VRK3: variants seen among roughly 807,000 people sequenced by gnomAD.
The protein encoded by VRK3 is serine/threonine-protein kinase VRK3.
VRK3 carries 50 observed loss-of-function variants against 60.4 expected under a neutral mutation model. The observed-to-expected ratio is 0.83, with a 90% CI of 0.66 to 1.05. The LOEUF (loss-of-function observed/expected upper bound fraction) is 1.05, where lower values mean the gene tolerates loss of function less well. Ranked by LOEUF, VRK3 falls within the 50% of genes least tolerant of loss-of-function variation. VRK3 has a pLI of 0.00. For synonymous variants in VRK3, 246 were observed against 227.8 expected (o/e 1.08, Z -0.72); for missense variants, 549 against 585.3 (o/e 0.94, Z 0.64).
intron 5 of VRK3, among the ~76,000 whole-genome samples, chr19:50,005,713 C>T (rs1000245914): frequency 6.7e-6 from 1 of 149,690 alleles, no homozygotes; most frequent in East Asian, 1.9e-4. Flanking sequence ...GGCAGTGACG[C>T]GCCACAGCAT....
intron 12 of VRK3, among the ~76,000 whole-genome samples, chr19:49,982,376 G>A (rs1327300631): frequency 6.6e-6 from 1 of 152,196 alleles, no homozygotes. Flanking sequence ...TGCCCATGCT[G>A]GTCTGATCCT....
At chr19:49,979,677 C>T (rs1044599754) in intron 13 of VRK3, among the ~76,000 whole-genome samples, 2 of 152,202 alleles carry the variant, frequency 1.3e-5, no homozygotes, top group Non-Finnish European at 2.9e-5. Context: ...ATCCTCGAGG[C>T]CCAAGGTTCA....
intron 10 of VRK3, 34 bp downstream of exon 10, chr19:49,992,826 A>G (rs542296771): frequency 6.3e-7 from 1 of 1,597,594 alleles, no homozygotes; most frequent in South Asian, 1.1e-5. Context: ...CTGAGCCCAG[A>G]GATCTTCCAG....
At chr19:49,989,144 G>T (rs983681453) in intron 11 of VRK3, among the ~76,000 whole-genome samples, 3 of 152,134 alleles carry the variant, frequency 2.0e-5, no homozygotes, top group African/African-American at 7.2e-5. Flanking sequence ...CAGGCATGTG[G>T]ACGGCCATGA....
At chr19:50,013,569 C>A (rs537856631) in intron 3 of VRK3, among the ~76,000 whole-genome samples, 2 of 152,218 alleles carry the variant, frequency 1.3e-5, no homozygotes, top group African/African-American at 4.8e-5. Context: ...GCCTTCTGCA[C>A]AACTGTCCGA....
intron 6 of VRK3, 33 bp downstream of exon 6, chr19:50,000,757 T>C: frequency 6.3e-7 from 1 of 1,594,010 alleles, no homozygotes; most frequent in Non-Finnish European, 8.5e-7. Flanking sequence ...GTCCCTCCCC[T>C]CCAAGCTGCC....
intron 9 of VRK3, among the ~76,000 whole-genome samples, 176 bp from the exon 10 acceptor site, chr19:49,993,128 G>A (rs2076640870): frequency 6.6e-6 from 1 of 152,186 alleles, no homozygotes; most frequent in Admixed American, 6.5e-5. Flanking sequence ...ACAGCACATT[G>A]AGCACGCCTC....
chr19:49,985,741 G>A (rs186520100), intron 12 of VRK3, among the ~76,000 whole-genome samples: 5 of 152,308 alleles, frequency 3.3e-5, no homozygotes, highest in Admixed American at 3.3e-4. Context: ...CCAGGGCCTA[G>A]AACAGAGTCT....
At chr19:50,013,666 C>A in intron 3 of VRK3, among the ~76,000 whole-genome samples, 1 of 152,188 alleles carries the variant, frequency 6.6e-6, no homozygotes, top group Non-Finnish European at 1.5e-5. Context: ...TTAATTAATT[C>A]ATTCAACCAG....
In VRK3 at chr19:50,016,147, G is replaced by A. The variant is rs201892614; in HGVS notation, c.16C>T (p.Pro6Ser). The A allele has an allele frequency of 7.1e-5, 115 of 1,614,058 alleles. No homozygotes were observed. Among genetic ancestry groups the A allele is most frequent in the Non-Finnish European group, 1.7e-6 (2 of 1,180,058 alleles). Reference protein sequence around the residue: MISFCPDCGKSIQAAF... With the variant: MISFCSDCGKSIQAAF... ...GCTTGGATACTTTTGCCACAGTCTG[G>A]ACAGAAGGAGATCATGCTACAAAAC... Residue 6 changes from proline (P) to serine (S), a missense_variant, in exon 3 of 15, where the codon CCA becomes TCA. Transcript: ENST00000316763.
In VRK3 at chr19:50,016,150, A is replaced by G. The variant is rs2077073444; in HGVS notation, c.13T>C (p.Cys5Arg). The G allele has an allele frequency of 6.2e-7, 1 of 1,614,176 alleles. No homozygotes were observed. The highest frequency in any genetic ancestry group is 8.5e-7 in the Non-Finnish European group (1 of 1,180,050). MISFCPDCGKSIQAA... is the reference protein window; with the variant it reads MISFRPDCGKSIQAA... ...TGGATACTTTTGCCACAGTCTGGAC[A>G]GAAGGAGATCATGCTACAAAACAGA... Residue 5 changes from cysteine to arginine, a missense_variant, in exon 3 of 15, where the codon TGT (cysteine) becomes CGT (arginine). Cys to Arg is a radical substitution (Grantham distance 180). Transcript: ENST00000316763.
intron 9 of VRK3, among the ~76,000 whole-genome samples, chr19:49,994,441 T>C (rs1327199608): frequency 1.3e-5 from 2 of 152,226 alleles, no homozygotes; most frequent in African/African-American, 4.8e-5. Flanking sequence ...ACACAAGCCT[T>C]GCCCCAGCTG....
chr19:50,024,141 T>G (rs1243956431), intron 1 of VRK3, among the ~76,000 whole-genome samples: 1 of 152,186 alleles, frequency 6.6e-6, no homozygotes. Context: ...TTTCACCATG[T>G]TGGCCAGGCT....
chr19:50,006,224 C>T (rs1458809271), intron 5 of VRK3, among the ~76,000 whole-genome samples: 1 of 151,400 alleles, frequency 6.6e-6, no homozygotes, highest in Non-Finnish European at 1.5e-5. Flanking sequence ...GCAGGAGAAT[C>T]GCTTGAACCT....
intron 2 of VRK3, among the ~76,000 whole-genome samples, chr19:50,016,799 C>T (rs2077085880): frequency 6.6e-6 from 1 of 152,104 alleles, no homozygotes. Flanking sequence ...GAGTTTTAAG[C>T]CAGTTAAGTG....
rs1042110091 is a variant in VRK3, at chr19:49,995,112, G to A, written c.764+79C>T. The A allele has an allele frequency of 2.3e-4, 347 of 1,492,966 alleles. 2 individuals are homozygous for A. The Middle Eastern group carries it at 3.6e-3, about 15-fold the overall frequency. 92.5% of individuals were successfully genotyped at this position (1,492,966 alleles called of 1,614,324 possible). ...GCAAAGACCTGGCCCACGGCTTCGG[G>A]GTCCCAGCCATGCCTGGAGTCACAA... On this transcript the variant is annotated intron_variant, in intron 8 of 14. Coordinates refer to ENST00000316763, the MANE Select transcript of VRK3 (RefSeq NM_016440.4).
At chr19:50,003,642 G>C (rs2076846640) in intron 5 of VRK3, among the ~76,000 whole-genome samples, 1 of 152,234 alleles carries the variant, frequency 6.6e-6, no homozygotes, top group Non-Finnish European at 1.5e-5. Flanking sequence ...AGTGTCCACT[G>C]CTCGAATAAC....
At chr19:49,990,856 C>T in intron 10 of VRK3, among the ~76,000 whole-genome samples, 1 of 151,960 alleles carries the variant, frequency 6.6e-6, no homozygotes. Context: ...ATGATCATGG[C>T]TCACTGCAGT....
intron 4 of VRK3, chr19:50,008,736 G>C (rs7249767): frequency 0.12 from 18,686 of 153,204 alleles, 1,326 homozygotes; most frequent in East Asian, 0.34. Context: ...GCTGGAAAGA[G>C]GCTCTGGCGG....
Sources: gnomAD v4.1 joint callset for allele counts (sites outside exome capture counted in the v4.1 genomes callset) on GRCh38, gnomAD v4.1.1 for gene constraint, MANE v1.5 for transcripts, NCBI Gene and HGNC (gene_info 2026-07-23, HGNC 2026-07-21) for gene names.